SLC4A4: variants seen among roughly 807,000 people sequenced by gnomAD.
The protein encoded by SLC4A4 is solute carrier family 4 member 4, also known as electrogenic sodium bicarbonate cotransporter 1.
A neutral mutation model predicts 111.5 loss-of-function variants in SLC4A4; 27 were observed. The ratio of observed to expected loss-of-function variants is 0.24; its 90% confidence interval spans 0.18 to 0.33. The LOEUF is 0.33. SLC4A4 is among the 10% of genes least tolerant of loss of function. The pLI is 1.00. For synonymous variants in SLC4A4, 443 were observed against 463.4 expected (o/e 0.96, Z 0.57); for missense variants, 909 against 1,315.5 (o/e 0.69, Z 4.78).
intron 2 of SLC4A4, among the ~76,000 whole-genome samples, chr4:71,125,978 GT>G (rs745705602): frequency 1.3e-5 from 2 of 152,058 alleles, no homozygotes; most frequent in African/African-American, 4.8e-5. Flanking sequence ...TCTATCATAC[GT>G]TTTTTCTGTA....
chr4:71,161,607 A>G (rs1744618538), intron 2 of SLC4A4, among the ~76,000 whole-genome samples: 2 of 152,204 alleles, frequency 1.3e-5, no homozygotes, highest in South Asian at 4.1e-4. Context: ...ATGAGGACAA[A>G]GATTATATTA....
chr4:71,416,931 A>G (rs1721877071), intron 7 of SLC4A4, among the ~76,000 whole-genome samples: 1 of 152,190 alleles, frequency 6.6e-6, no homozygotes, highest in African/African-American at 2.4e-5. Context: ...ATTTTTTTAA[A>G]CAATGAATGG....
chr4:71,297,585 CTTTTTTTTT>C (rs112132682), intron 3 of SLC4A4, among the ~76,000 whole-genome samples: 1 of 115,048 alleles, frequency 8.7e-6, no homozygotes, highest in Non-Finnish European at 1.8e-5. Flanking sequence ...ATTGGTGAAT[CTTTTTTTTT>C]TTTTTTTTTT....
In SLC4A4 at chr4:71,553,532, T is replaced by C. The variant is rs115242126; in HGVS notation, c.2695-1608T>C. 5.1e-3 allele frequency among the ~76,000 whole-genome samples: 776 copies of C among 152,010 alleles called. 2 individuals carry two copies. Among genetic ancestry groups the C allele is most frequent in the Admixed American group, 9.7e-3 (148 of 15,228 alleles). ...TGCAGGAATTCTAACTAGTTTTCCA[T>C]GGTTGAACTATACTTCTCTTTTCCC... is the stretch of plus-strand genomic sequence containing the variant. On this transcript the variant is annotated intron_variant, in intron 20 of 25. Coordinates refer to ENST00000264485, the MANE Select transcript of SLC4A4 (RefSeq NM_001098484.3).
At position 71,472,891 on chromosome 4, in the gene SLC4A4, AG is replaced by A; in HGVS notation, c.1825del (p.Asp609IlefsTer102). On this transcript the variant is annotated frameshift_variant, in exon 14 of 26. Coordinates refer to ENST00000264485, the MANE Select transcript of SLC4A4 (RefSeq NM_001098484.3). LOFTEE classifies it high-confidence loss of function. Reference protein sequence around the residue: ...DAFKKMIKLADYYPINSNFKV... With the variant: ...DAFKKMIKLAXYYPINSNFKV... The stretch of plus-strand genomic sequence containing the variant: ...CTTTCAAGAAGATGATCAAGCTTGC[AG>A]ATTACTACCCCATCAACTCCAACTT... 6.2e-7 allele frequency: 1 copy of A among 1,612,904 alleles called. No homozygotes were observed. Among genetic ancestry groups the A allele is most frequent in the Non-Finnish European group, 8.5e-7 (1 of 1,179,344 alleles).
At chr4:71,084,812 C>T (rs1490451334) in intron 1 of SLC4A4, among the ~76,000 whole-genome samples, 1 of 151,918 alleles carries the variant, frequency 6.6e-6, no homozygotes, top group African/African-American at 2.4e-5. Flanking sequence ...TATTGATGGA[C>T]ATTTGGGTTG....
intron 11 of SLC4A4, among the ~76,000 whole-genome samples, 195 bp downstream of exon 11, chr4:71,451,496 T>A (rs917501927): frequency 6.6e-6 from 1 of 152,206 alleles, no homozygotes; most frequent in Non-Finnish European, 1.5e-5. Flanking sequence ...GATCTTATAT[T>A]GTAGTGACAA....
chr4:71,228,361 C>T (rs752679343), intron 1 of SLC4A4, among the ~76,000 whole-genome samples: 2 of 152,126 alleles, frequency 1.3e-5, no homozygotes, highest in Admixed American at 6.5e-5. Flanking sequence ...TCAAAAATCC[C>T]GTGCATTTGC....
At chr4:71,156,115 A>G (rs1184371150) in intron 2 of SLC4A4, among the ~76,000 whole-genome samples, 1 of 152,200 alleles carries the variant, frequency 6.6e-6, no homozygotes, top group Non-Finnish European at 1.5e-5. Flanking sequence ...GACTTGTGGG[A>G]ATGATGATGC....
At chr4:71,236,397 T>A in intron 1 of SLC4A4, 179 bp from the exon 2 acceptor site, 1 of 766,356 alleles carries the variant, frequency 1.3e-6, no homozygotes, top group Non-Finnish European at 2.0e-6. Context: ...ACCGGCATAT[T>A]CTCGAGCACC....
chr4:71,335,191 C>G (rs1448191514), intron 3 of SLC4A4, among the ~76,000 whole-genome samples: 2 of 152,088 alleles, frequency 1.3e-5, no homozygotes, highest in South Asian at 2.1e-4. Context: ...TATAGCAAAC[C>G]TGCACATGTA....
intron 2 of SLC4A4, among the ~76,000 whole-genome samples, chr4:71,118,504 T>C (rs1743333415): frequency 6.6e-6 from 1 of 152,218 alleles, no homozygotes; most frequent in Admixed American, 6.5e-5. Context: ...TTTTGCTTTT[T>C]ATTTTTTTCT....
intron 7 of SLC4A4, among the ~76,000 whole-genome samples, chr4:71,418,709 G>C (rs1211421687): frequency 6.6e-6 from 1 of 152,110 alleles, no homozygotes; most frequent in Non-Finnish European, 1.5e-5. Flanking sequence ...TTTCTTTTAT[G>C]ACACCAAAAG....
At chr4:71,417,045 G>A (rs1430348925) in intron 7 of SLC4A4, among the ~76,000 whole-genome samples, 2 of 152,140 alleles carry the variant, frequency 1.3e-5, no homozygotes, top group Non-Finnish European at 2.9e-5. Flanking sequence ...CGTTAGTGGA[G>A]CTATCAGTGT....
intron 3 of SLC4A4, among the ~76,000 whole-genome samples, chr4:71,296,594 C>A (rs1236450529): frequency 2.0e-5 from 3 of 151,934 alleles, no homozygotes; most frequent in Non-Finnish European, 2.9e-5. Context: ...TTTTAAAAAT[C>A]AAAAGGTATT....
At chr4:71,120,675 C>T (rs112196820) in intron 2 of SLC4A4, among the ~76,000 whole-genome samples, 23,647 of 152,210 alleles carry the variant, frequency 0.16, 2,122 homozygotes, top group East Asian at 0.27. Flanking sequence ...CGAGACCAGC[C>T]TGGTCAACAT....
chr4:71,192,787 C>G (rs1461961540), intron 1 of SLC4A4, among the ~76,000 whole-genome samples: 1 of 152,194 alleles, frequency 6.6e-6, no homozygotes, highest in African/African-American at 2.4e-5. Context: ...GTCCATATAA[C>G]CAGTGCCAAG....
chr4:71,114,752 T>C (rs1158915067), intron 2 of SLC4A4, among the ~76,000 whole-genome samples: 1 of 135,752 alleles, frequency 7.4e-6, no homozygotes, highest in South Asian at 2.4e-4. Flanking sequence ...TGTAAACTAG[T>C]TCAACCATTG....
At chr4:71,354,521 C>A (rs1040756927) in intron 5 of SLC4A4, among the ~76,000 whole-genome samples, 3 of 152,052 alleles carry the variant, frequency 2.0e-5, no homozygotes, top group African/African-American at 7.2e-5. Flanking sequence ...GGGGTTGATT[C>A]AATAAGAAAC....
Sources: allele counts gnomAD v4.1 joint callset (sites outside exome capture counted in the v4.1 genomes callset), GRCh38; gene constraint gnomAD v4.1.1; transcripts MANE v1.5; gene names NCBI Gene and HGNC (gene_info 2026-07-23, HGNC 2026-07-21).